Variants in SMG5 observed in about 807,000 individuals in gnomAD.
SMG5 encodes the protein SMG5 nonsense mediated mRNA decay factor.
SMG5 carries 53 observed loss-of-function variants against 122.9 expected under a neutral mutation model. The ratio of observed to expected loss-of-function variants is 0.43; its 90% CI spans 0.35 to 0.54. The LOEUF (loss-of-function observed/expected upper bound fraction) is 0.54, where lower values mean the gene tolerates loss of function less well. Among genes scored for constraint, SMG5 ranks in the 20% least tolerant of loss-of-function variants. The pLI is 0.01. For missense variants in SMG5, 1,153 were observed against 1,285.6 expected (o/e 0.90, Z 1.58); for synonymous variants, 477 against 490.2 (o/e 0.97, Z 0.35).
chr1:156,257,099 G>C (rs980841456), intron 16 of SMG5, among the ~76,000 whole-genome samples: 6 of 151,832 alleles, frequency 4.0e-5, no homozygotes, highest in African/African-American at 1.5e-4. Flanking sequence ...GCTATTTTTT[G>C]TATTTTTAGT....
chr1:156,269,735 C>T (rs915083166), intron 7 of SMG5, among the ~76,000 whole-genome samples: 2 of 152,124 alleles, frequency 1.3e-5, no homozygotes, highest in Admixed American at 6.5e-5. Flanking sequence ...ATTAGCCGGG[C>T]GTGTTGGCAG....
In SMG5 at chr1:156,265,961, T is replaced by G; in HGVS notation, c.1675A>C (p.Ser559Arg). The G allele has an allele frequency of 6.2e-7, 1 of 1,614,164 alleles. No individual in the cohort carries two copies. Among genetic ancestry groups the G allele is most frequent in the Non-Finnish European group, 8.5e-7 (1 of 1,180,026 alleles). ...PDSLNGPLGPSEASIASNLQA... is the reference protein window; with the variant it reads ...PDSLNGPLGPREASIASNLQA... ...AGATTGCTGGCAATGCTAGCCTCAC[T>G]GGGGCCCAGTGGGCCATTGAGGGAA... Residue 559 changes from serine (S) to arginine (R), a missense_variant, in exon 12 of 22, where the codon AGT (serine) becomes CGT (arginine). Transcript: ENST00000361813.
In SMG5 at chr1:156,267,439, G is replaced by C. The variant is rs1321476347; in HGVS notation, c.1117+31C>G. On this transcript the variant is annotated intron_variant, in intron 10 of 21. Transcript: ENST00000361813. ...GGAGTGAGGATCCCCAAAGCCAGTG[G>C]AAGAGAAAAGAGGAACATAGGGAAG... 2.5e-6 allele frequency: 4 copies of C among 1,605,784 alleles called. No homozygotes were observed. The Admixed American group carries it at 5.0e-5, about 20-fold the overall frequency.
chr1:156,276,966 G>T, intron 4 of SMG5, 119 bp downstream of exon 4: 1 of 947,514 alleles, frequency 1.1e-6, no homozygotes, highest in Non-Finnish European at 1.6e-6. Context: ...CCATTTGTAT[G>T]TAGTTCTGCT....
At chr1:156,252,558 A>C (rs537335131) in intron 18 of SMG5, 54 bp from the exon 19 acceptor site, 2 of 1,574,480 alleles carry the variant, frequency 1.3e-6, no homozygotes, top group East Asian at 2.2e-5. Flanking sequence ...TGCTGTGACA[A>C]GGGGCTCTGG....
At chr1:156,277,775 G>A in intron 3 of SMG5, 150 bp downstream of exon 3, 1 of 969,284 alleles carries the variant, frequency 1.0e-6, no homozygotes, top group Admixed American at 2.1e-5. Flanking sequence ...GCCTCCCAAA[G>A]TGCTGGGATT....
intron 21 of SMG5, 41 bp from the exon 22 acceptor site, chr1:156,250,711 C>T (rs766004448): frequency 3.1e-6 from 5 of 1,609,602 alleles, no homozygotes; most frequent in Admixed American, 3.3e-5. Flanking sequence ...GGTCTGACCT[C>T]CTGAACTGAA....
intron 16 of SMG5, among the ~76,000 whole-genome samples, chr1:156,256,564 C>T (rs1469334016): frequency 6.6e-6 from 1 of 152,092 alleles, no homozygotes; most frequent in Non-Finnish European, 1.5e-5. Context: ...GGGATGGGGG[C>T]ACTTGTGTAA....
intron 15 of SMG5, among the ~76,000 whole-genome samples, chr1:156,259,504 T>C (rs1034332048): frequency 2.6e-5 from 4 of 152,186 alleles, no homozygotes; most frequent in Non-Finnish European, 4.4e-5. Flanking sequence ...TCATATGCTC[T>C]AGGGGACCAA....
intron 15 of SMG5, 146 bp from the exon 16 acceptor site, chr1:156,259,309 C>T: frequency 1.2e-6 from 1 of 844,798 alleles, no homozygotes; most frequent in Non-Finnish European, 1.7e-6. Context: ...GATTTGTGGT[C>T]TATGGGGTGG....
intron 10 of SMG5, 41 bp from the exon 11 acceptor site, chr1:156,266,719 G>C (rs1185599282): frequency 6.2e-7 from 1 of 1,610,100 alleles, no homozygotes; most frequent in South Asian, 1.1e-5. Flanking sequence ...CTAGGGCCCT[G>C]ATGAGGAGTA....
At chr1:156,275,947 T>C (rs1662663569) in intron 4 of SMG5, among the ~76,000 whole-genome samples, 1 of 151,816 alleles carries the variant, frequency 6.6e-6, no homozygotes, top group Non-Finnish European at 1.5e-5. Flanking sequence ...TCCATGTAGC[T>C]AGGACAACAT....
rs377259000 is a variant in SMG5 at position 156,251,509 on chromosome 1, AGCAGGAGACTG to A, written c.2754-43_2754-33del. 5.9e-4 allele frequency: 958 copies of A among 1,610,642 alleles called. 7 individuals carry two copies. In the African/African-American group the frequency reaches 0.012, roughly 20 times the overall value. On this transcript the variant is annotated intron_variant, in intron 19 of 21. Coordinates refer to ENST00000361813, the MANE Select transcript of SMG5 (RefSeq NM_015327.3). ...AGGAGATGTGCGAGTGGAGGTCAGG[AGCAGGAGACTG>A]GCAGGGTGCCTTACACAAAGCAGTC...
At chr1:156,282,214 C>A (rs1322054432) in intron 1 of SMG5, among the ~76,000 whole-genome samples, 1 of 152,142 alleles carries the variant, frequency 6.6e-6, no homozygotes, top group Non-Finnish European at 1.5e-5. Context: ...GACTTCAGTC[C>A]AAGACTCTTC....
At chr1:156,283,490 T>C (rs138071675), upstream of SMG5, among the ~76,000 whole-genome samples, 3 of 152,042 alleles carry the variant, frequency 2.0e-5, no homozygotes, top group East Asian at 5.8e-4. Flanking sequence ...TAAGGACTCA[T>C]AGAAATGAGA....
intron 12 of SMG5, among the ~76,000 whole-genome samples, chr1:156,264,100 T>C (rs1011054088): frequency 1.3e-5 from 2 of 151,710 alleles, no homozygotes; most frequent in African/African-American, 4.8e-5. Context: ...AAACCCTGTC[T>C]CTACTAAAAA....
Position 156,272,305 on chromosome 1 carries a change from C to T in SMG5, c.713+15G>A. ...CACAAAAGCAGGGCTGGAAAAAGAG[C>T]TGGCAAATACTCACCAGCGCAGGTA... On this transcript the variant is annotated intron_variant, in intron 7 of 21. Coordinates refer to ENST00000361813, the MANE Select transcript of SMG5 (RefSeq NM_015327.3). 6.3e-7 allele frequency: 1 copy of T among 1,580,864 alleles called. No individual in the cohort carries two copies. The highest frequency in any genetic ancestry group is 8.6e-7 in the Non-Finnish European group (1 of 1,160,120).
In SMG5 at chr1:156,251,000, G is replaced by C. The variant is rs745489433; in HGVS notation, c.2829-4C>G. On this transcript the variant is annotated splice_polypyrimidine_tract_variant and splice_region_variant and intron_variant, in intron 20 of 21. Transcript: ENST00000361813. ...GTCTAGGATCTTATAGAGAGTCCTG[G>C]GGATGGGGGGCAGAGGGGAAGATGG... The C allele has an allele frequency of 1.2e-6, 2 of 1,612,460 alleles. No individual in the cohort carries two copies. Among genetic ancestry groups the C allele is most frequent in the Non-Finnish European group, 8.5e-7 (1 of 1,178,968 alleles).
chr1:156,257,506 C>A (rs930489408), intron 16 of SMG5, among the ~76,000 whole-genome samples: 2 of 152,022 alleles, frequency 1.3e-5, no homozygotes, highest in Admixed American at 6.6e-5. Flanking sequence ...CTCCCTACCC[C>A]CCGACAGGAA....
Sources: allele counts gnomAD v4.1 joint callset (sites outside exome capture counted in the v4.1 genomes callset), GRCh38; gene constraint gnomAD v4.1.1; transcripts MANE v1.5; gene names NCBI Gene and HGNC (gene_info 2026-07-23, HGNC 2026-07-21).